The following ZNF569 variants were observed in gnomAD, a reference collection of about 807,000 sequenced individuals.
The protein encoded by ZNF569 is zinc finger protein 569, also known as DNA-binding protein.
ZNF569 carries 38 observed loss-of-function variants against 56.3 expected under a neutral mutation model. The ratio of observed to expected loss-of-function variants is 0.68; its 90% CI spans 0.52 to 0.88. The LOEUF (loss-of-function observed/expected upper bound fraction) is 0.88. ZNF569 is among the 40% of genes least tolerant of loss of function. The pLI, the probability that ZNF569 is intolerant of heterozygous loss-of-function variation, is 0.00. For missense variants in ZNF569, 666 were observed against 809.2 expected (o/e 0.82, Z 2.15); for synonymous variants, 241 against 262.9 (o/e 0.92, Z 0.81).
chr19:37,459,468 G>A (rs1453823495), intron 2 of ZNF569, among the ~76,000 whole-genome samples: 6 of 151,976 alleles, frequency 3.9e-5, no homozygotes, highest in Non-Finnish European at 7.4e-5. Flanking sequence ...TCTCTATCCA[G>A]GGAAATTATC....
rs141347858 is a variant in ZNF569, at chr19:37,438,463, A to G, written c.15+6444T>C. Among the ~76,000 whole-genome samples, 145 of 152,274 alleles carry G rather than the reference A, an allele frequency of 9.5e-4. 1 individual carries two copies. Among genetic ancestry groups the G allele is most frequent in the African/African-American group, 3.4e-3 (141 of 41,554 alleles). On this transcript the variant is annotated intron_variant, in intron 3 of 5. Transcript: ENST00000316950. ...GAACAGAGAACCCAGAAACAAATCCATACATCTCCAGCGAACTCATTTTCA... is the reference window on the plus strand; with the variant it reads ...GAACAGAGAACCCAGAAACAAATCCGTACATCTCCAGCGAACTCATTTTCA...
At chr19:37,446,603 C>G (rs1163468851) in intron 2 of ZNF569, among the ~76,000 whole-genome samples, 4 of 143,582 alleles carry the variant, frequency 2.8e-5, no homozygotes, top group African/African-American at 1.0e-4. Context: ...TCACCTTATA[C>G]AAAAATCAAC....
At chr19:37,424,418 C>T (rs2041089246) in intron 5 of ZNF569, among the ~76,000 whole-genome samples, 2 of 152,074 alleles carry the variant, frequency 1.3e-5, no homozygotes, top group Admixed American at 6.5e-5. Flanking sequence ...AGAAAGCCAA[C>T]CAGATCTCTA....
intron 3 of ZNF569, among the ~76,000 whole-genome samples, chr19:37,432,663 A>C (rs924006081): frequency 6.6e-6 from 1 of 152,218 alleles, no homozygotes; most frequent in Non-Finnish European, 1.5e-5. Flanking sequence ...GGAAAACATG[A>C]CTTCACCAAA....
intron 2 of ZNF569, among the ~76,000 whole-genome samples, chr19:37,461,470 C>A (rs765874048): frequency 1.3e-5 from 2 of 151,932 alleles, no homozygotes; most frequent in Non-Finnish European, 2.9e-5. Flanking sequence ...TCATGCCCAG[C>A]GAATTTTTGT....
At chr19:37,438,029 C>A (rs2041341918) in intron 3 of ZNF569, among the ~76,000 whole-genome samples, 1 of 126,110 alleles carries the variant, frequency 7.9e-6, no homozygotes, top group Admixed American at 7.8e-5. Flanking sequence ...CCTGAGCAAA[C>A]AGAAAAAACT....
At chr19:37,449,388 T>A (rs1489570473) in intron 2 of ZNF569, among the ~76,000 whole-genome samples, 2 of 152,110 alleles carry the variant, frequency 1.3e-5, no homozygotes, top group African/African-American at 2.4e-5. Flanking sequence ...CGTTTTGGAG[T>A]CTTCTGTAAC....
Position 37,444,947 on chromosome 19 carries a change from G to C in ZNF569, c.-26C>G. On this transcript the variant is annotated 5_prime_UTR_variant, in exon 3 of 6. Coordinates refer to ENST00000316950, the MANE Select transcript of ZNF569 (RefSeq NM_152484.3). ...TTCCTCTTCTTTCTGGGAAGGGATG[G>C]GGCCTGCAGAAGTAGAGCTGGGGAA... is the stretch of plus-strand genomic sequence containing the variant. 6.2e-7 allele frequency: 1 copy of C among 1,606,954 alleles called. No individual in the cohort carries two copies. Among genetic ancestry groups the C allele is most frequent in the African/African-American group, 1.3e-5 (1 of 74,614 alleles).
chr19:37,448,126 A>G (rs2041528865), intron 2 of ZNF569, among the ~76,000 whole-genome samples: 1 of 152,132 alleles, frequency 6.6e-6, no homozygotes, highest in Non-Finnish European at 1.5e-5. Flanking sequence ...CCTCTTCTAT[A>G]TTCTGGAAAA....
chr19:37,459,745 G>C (rs923819119), intron 2 of ZNF569, among the ~76,000 whole-genome samples: 1 of 152,138 alleles, frequency 6.6e-6, no homozygotes, highest in African/African-American at 2.4e-5. Context: ...CAATGTATTA[G>C]GTGATTACAG....
At chr19:37,417,775 G>A (rs78677017) in intron 5 of ZNF569, among the ~76,000 whole-genome samples, 4,640 of 152,216 alleles carry the variant, frequency 0.03, 245 homozygotes, top group African/African-American at 0.1. Context: ...AAATGTGTAA[G>A]AGAAGAATTA....
intron 3 of ZNF569, among the ~76,000 whole-genome samples, chr19:37,432,826 G>T (rs2041246704): frequency 6.7e-6 from 1 of 150,250 alleles, no homozygotes; most frequent in East Asian, 1.9e-4. Flanking sequence ...TTAACAAAGA[G>T]ACTGAAATAA....
intron 2 of ZNF569, among the ~76,000 whole-genome samples, chr19:37,446,884 C>T (rs191361223): frequency 2.9e-4 from 44 of 152,246 alleles, no homozygotes; most frequent in Admixed American, 1.7e-3. Context: ...TACTCAGAAT[C>T]TACAAGGAAC....
In ZNF569 at chr19:37,412,371, G is replaced by A. The variant is rs2040852298; in HGVS notation, c.*226C>T. 3.1e-6 allele frequency: 2 copies of A among 647,594 alleles called. No individual in the cohort carries two copies. Among genetic ancestry groups the A allele is most frequent in the Admixed American group, 3.8e-5 (1 of 25,998 alleles). The allele number at this position is 647,594 out of a possible 1,614,324, so 40.1% of individuals were successfully genotyped here. ...TGTTTCAGATTTCAATGAGAATGCT[G>A]ATTAAATATTATCAATAAGATGTCT... On this transcript the variant is annotated 3_prime_UTR_variant, in exon 6 of 6. Transcript: ENST00000316950.
rs2041469735 is a variant in ZNF569, at chr19:37,445,021, C to G, written c.-43-57G>C. Reference sequence around the variant, plus strand: ...GCCTGTCTTTAGTTTCAGAAACATGCACACACAGGGTGGATTAAAGGTCAC... The same window carrying G: ...GCCTGTCTTTAGTTTCAGAAACATGGACACACAGGGTGGATTAAAGGTCAC... On this transcript the variant is annotated intron_variant, in intron 2 of 5. Coordinates refer to ENST00000316950, the MANE Select transcript of ZNF569 (RefSeq NM_152484.3). 12 of 1,390,454 alleles carry G rather than the reference C, an allele frequency of 8.6e-6. No individual in the cohort carries two copies. The South Asian group carries it at 1.4e-4, about 16-fold the overall frequency. 86.1% of individuals were successfully genotyped at this position (1,390,454 alleles called of 1,614,324 possible).
rs1007476978 is a variant in ZNF569 at position 37,414,011 on chromosome 19, C to T, written c.647G>A (p.Cys216Tyr). The T allele has an allele frequency of 1.2e-6, 2 of 1,613,456 alleles. No homozygotes were observed. Among genetic ancestry groups the T allele is most frequent in the Non-Finnish European group, 1.7e-6 (2 of 1,179,886 alleles). The part of the protein sequence containing the change: ...RIHTGEKPYE[C>Y]SNCRKAFSHK... ...ACTGAAGGCTTTTCTACAGTTACTA[C>T]ATTCATAGGGCTTCTCTCCAGTATG... The change falls in exon 6 of 6, where the codon TGT becomes TAT. Residue 216 changes from cysteine to tyrosine, a missense_variant. Transcript: ENST00000316950.
In ZNF569 at chr19:37,411,280, T is replaced by A. The variant is rs1031974573; in HGVS notation, c.*1317A>T. On this transcript the variant is annotated 3_prime_UTR_variant, in exon 6 of 6. Transcript: ENST00000316950. ...ATCCATGACCAATACACAGTACTGT[T>A]CTTTGCAAGATCTTATTAAATTATA... The A allele has an allele frequency of 6.6e-6, 1 of 152,200 alleles. No individual in the cohort carries two copies. Among genetic ancestry groups the A allele is most frequent in the Non-Finnish European group, 1.5e-5 (1 of 68,012 alleles). 9.4% of individuals were successfully genotyped at this position (152,200 alleles called of 1,614,324 possible).
chr19:37,445,737 C>A (rs1473786930), intron 2 of ZNF569, among the ~76,000 whole-genome samples: 4 of 152,082 alleles, frequency 2.6e-5, no homozygotes, highest in African/African-American at 9.7e-5. Context: ...ATGTACTTGA[C>A]CAAGGAGGTA....
In ZNF569 at chr19:37,412,877, A is replaced by G. The variant is rs1160293202; in HGVS notation, c.1781T>C (p.Ile594Thr). 1 of 1,613,874 alleles carries G rather than the reference A, an allele frequency of 6.2e-7. No homozygotes were observed. The highest frequency in any genetic ancestry group is 8.5e-7 in the Non-Finnish European group (1 of 1,179,952). ...ACCTGTATGGCCTCTCATGTGCACA[A>G]TAAGGGAAGTTCTTTGAGAGAAGGC... ...GKAFSQRTSLIVHMRGHTGEK... is the reference protein window; with the variant it reads ...GKAFSQRTSLTVHMRGHTGEK... The change falls in exon 6 of 6, where the codon ATT becomes ACT. Residue 594 changes from isoleucine to threonine, a missense_variant. Coordinates refer to ENST00000316950, the MANE Select transcript of ZNF569 (RefSeq NM_152484.3).
Sources: allele counts gnomAD v4.1 joint callset (sites outside exome capture counted in the v4.1 genomes callset), GRCh38; gene constraint gnomAD v4.1.1; transcripts MANE v1.5; gene names NCBI Gene and HGNC (gene_info 2026-07-23, HGNC 2026-07-21).